BMP6: variants seen among roughly 807,000 people sequenced by gnomAD.
BMP6 encodes bone morphogenetic protein 6, also known as VG-1-R.
In BMP6, 17 loss-of-function variants were observed where a neutral mutation model predicts 54.1. The observed-to-expected ratio is 0.31, with a 90% CI of 0.22 to 0.47. The LOEUF is 0.47. Among genes scored for constraint, BMP6 ranks in the 20% least tolerant of loss-of-function variants. The pLI is 1.00. For synonymous variants in BMP6, 328 were observed against 291.2 expected (o/e 1.13, Z -1.28); for missense variants, 720 against 690.4 (o/e 1.04, Z -0.48).
At chr6:7,752,448 C>T (rs1202617115) in intron 1 of BMP6, among the ~76,000 whole-genome samples, 4 of 152,018 alleles carry the variant, frequency 2.6e-5, no homozygotes, top group African/African-American at 7.2e-5. Flanking sequence ...TATCTAATGC[C>T]ATTCAACTAA....
At chr6:7,789,895 T>G (rs1471081393) in intron 1 of BMP6, among the ~76,000 whole-genome samples, 2 of 152,214 alleles carry the variant, frequency 1.3e-5, no homozygotes, top group East Asian at 1.9e-4. Context: ...GATTGCTGAT[T>G]ATGGTAGACT....
At chr6:7,741,697 T>G (rs1561756428) in intron 1 of BMP6, among the ~76,000 whole-genome samples, 1 of 152,230 alleles carries the variant, frequency 6.6e-6, no homozygotes, top group Non-Finnish European at 1.5e-5. Flanking sequence ...CCTCCAAAAG[T>G]GCTGGGCTTA....
intron 1 of BMP6, among the ~76,000 whole-genome samples, chr6:7,804,180 G>A (rs549574379): frequency 2.6e-5 from 4 of 152,262 alleles, no homozygotes; most frequent in African/African-American, 9.6e-5. Flanking sequence ...TTAGTAGTAA[G>A]CCCAAATGTC....
intron 1 of BMP6, among the ~76,000 whole-genome samples, chr6:7,798,405 G>A (rs1165977493): frequency 6.6e-6 from 1 of 152,186 alleles, no homozygotes. Context: ...GTCCCTGTTC[G>A]CAGTCATGCA....
chr6:7,796,759 C>T (rs937894792), intron 1 of BMP6, among the ~76,000 whole-genome samples: 1 of 152,144 alleles, frequency 6.6e-6, no homozygotes, highest in Non-Finnish European at 1.5e-5. Flanking sequence ...AAAATATTTA[C>T]TCTGTAAGCA....
intron 1 of BMP6, among the ~76,000 whole-genome samples, chr6:7,796,387 G>A (rs1048959093): frequency 3.9e-5 from 6 of 152,232 alleles, no homozygotes; most frequent in African/African-American, 1.4e-4. Flanking sequence ...TGATCCTGTC[G>A]CAGGAAAGTC....
In BMP6 at chr6:7,838,412, A is replaced by G. The variant is rs549212671; in HGVS notation, c.665-6728A>G. Among the ~76,000 whole-genome samples the G allele has an allele frequency of 9.2e-5, 14 of 152,298 alleles. No individual in the cohort carries two copies. In the East Asian group the frequency reaches 2.7e-3, roughly 29 times the overall value. ...CTTGAAACCACACAATGCCATAGGA[A>G]ATGAGAACATCGCCAGTCTCACTTA... On this transcript the variant is annotated intron_variant, in intron 1 of 6. Transcript: ENST00000283147.
At chr6:7,728,905 C>T (rs1237851888) in intron 1 of BMP6, among the ~76,000 whole-genome samples, 1 of 152,212 alleles carries the variant, frequency 6.6e-6, no homozygotes, top group East Asian at 1.9e-4. Flanking sequence ...CTTTACCAGC[C>T]TATCTATGAT....
intron 4 of BMP6, among the ~76,000 whole-genome samples, chr6:7,875,828 A>G (rs1216454278): frequency 6.6e-6 from 1 of 152,208 alleles, no homozygotes; most frequent in African/African-American, 2.4e-5. Context: ...AAGGCTGGAG[A>G]CTTAATTCAG....
chr6:7,778,427 A>G (rs1757893920), intron 1 of BMP6, among the ~76,000 whole-genome samples: 1 of 152,114 alleles, frequency 6.6e-6, no homozygotes, highest in South Asian at 2.1e-4. Context: ...AAAGAAGTTC[A>G]GTGCCTTGCC....
chr6:7,833,200 G>A (rs1758817604), intron 1 of BMP6, among the ~76,000 whole-genome samples: 1 of 152,184 alleles, frequency 6.6e-6, no homozygotes, highest in African/African-American at 2.4e-5. Context: ...CCAACGGTGT[G>A]CTCTCCAATA....
intron 1 of BMP6, among the ~76,000 whole-genome samples, chr6:7,823,578 G>A (rs996740383): frequency 6.6e-6 from 1 of 152,214 alleles, no homozygotes; most frequent in Non-Finnish European, 1.5e-5. Context: ...GGCATTTTAA[G>A]AAGATGGAAT....
chr6:7,787,057 C>CT (rs1465193825), intron 1 of BMP6, among the ~76,000 whole-genome samples: 1 of 152,162 alleles, frequency 6.6e-6, no homozygotes, highest in Non-Finnish European at 1.5e-5. Flanking sequence ...AGTTCAGCCT[C>CT]CTTTAGTTTC....
chr6:7,769,286 C>T (rs1757746565), intron 1 of BMP6, among the ~76,000 whole-genome samples: 1 of 152,222 alleles, frequency 6.6e-6, no homozygotes, highest in Non-Finnish European at 1.5e-5. Flanking sequence ...AGAATTGTTT[C>T]AGCCAGTGCC....
intron 1 of BMP6, among the ~76,000 whole-genome samples, chr6:7,754,621 C>T (rs1666359936): frequency 1.3e-5 from 2 of 152,150 alleles, no homozygotes; most frequent in Non-Finnish European, 2.9e-5. Context: ...TGATAATAGT[C>T]TTTGTTCAGT....
At chr6:7,771,123 CCTCTT>C (rs1474233944) in intron 1 of BMP6, among the ~76,000 whole-genome samples, 2 of 152,160 alleles carry the variant, frequency 1.3e-5, no homozygotes, top group Admixed American at 6.5e-5. Context: ...TTTTTTACCT[CCTCTT>C]CTCTCGGATT....
chr6:7,774,351 ACCAT>A (rs1757832345), intron 1 of BMP6, among the ~76,000 whole-genome samples: 1 of 152,158 alleles, frequency 6.6e-6, no homozygotes, highest in South Asian at 2.1e-4. Flanking sequence ...GGAGTTTGAG[ACCAT>A]CCTGACCAAC....
chr6:7,790,279 C>T (rs931305400), intron 1 of BMP6, among the ~76,000 whole-genome samples: 1 of 152,036 alleles, frequency 6.6e-6, no homozygotes, highest in African/African-American at 2.4e-5. Context: ...CTTTGGGATG[C>T]GGAAGCAGGC....
intron 4 of BMP6, among the ~76,000 whole-genome samples, chr6:7,873,093 G>A (rs919329667): frequency 1.1e-4 from 17 of 152,022 alleles, no homozygotes; most frequent in South Asian, 2.1e-4. Flanking sequence ...GGCATGAGGC[G>A]CCACATCTGG....
Sources: allele counts gnomAD v4.1 joint callset (sites outside exome capture counted in the v4.1 genomes callset), GRCh38; gene constraint gnomAD v4.1.1; transcripts MANE v1.5; gene names NCBI Gene and HGNC (gene_info 2026-07-23, HGNC 2026-07-21).